Variants in CDH4 observed in about 807,000 individuals in gnomAD.
CDH4 encodes the protein cadherin 4.
CDH4 carries 33 observed loss-of-function variants against 86.0 expected under a neutral mutation model. The ratio of observed to expected loss-of-function variants is 0.38; its 90% CI spans 0.29 to 0.51. CDH4 has a LOEUF of 0.51. Among genes scored for constraint, CDH4 ranks in the 20% least tolerant of loss-of-function variants. The pLI is 0.86. For missense variants in CDH4, 1,114 were observed against 1,307.4 expected (o/e 0.85, Z 2.28); for synonymous variants, 555 against 549.4 (o/e 1.01, Z -0.14).
intron 7 of CDH4, among the ~76,000 whole-genome samples, chr20:61,882,952 C>G (rs1044749533): frequency 3.9e-5 from 6 of 152,176 alleles, no homozygotes; most frequent in African/African-American, 1.4e-4. Flanking sequence ...CATGCCCCAG[C>G]CTCTGCGCAT....
chr20:61,853,510 A>G (rs572079974), intron 6 of CDH4, among the ~76,000 whole-genome samples: 2 of 152,010 alleles, frequency 1.3e-5, no homozygotes, highest in East Asian at 3.9e-4. Flanking sequence ...TCACTCTGGC[A>G]CCGGTGGTGG....
chr20:61,302,509 C>T (rs1041734928), intron 2 of CDH4, among the ~76,000 whole-genome samples: 10 of 150,732 alleles, frequency 6.6e-5, no homozygotes, highest in Non-Finnish European at 1.2e-4. Context: ...TTGTCACAAA[C>T]GTCATTCTTC....
intron 12 of CDH4, among the ~76,000 whole-genome samples, chr20:61,929,206 T>C (rs1392817970): frequency 6.6e-6 from 1 of 151,534 alleles, no homozygotes; most frequent in East Asian, 2.0e-4. Context: ...AGTGGCACAA[T>C]CTCAGCTCTG....
At position 61,617,842 on chromosome 20, in the gene CDH4, T is replaced by C. The variant is rs180845658; in HGVS notation, c.170-125721T>C. Among the ~76,000 whole-genome samples the C allele has an allele frequency of 5.9e-5, 9 of 152,276 alleles. No homozygotes were observed. The East Asian group carries it at 1.7e-3, about 29-fold the overall frequency. ...CCCAAATTTCATCTTGAATTGTAGC[T>C]CCCATAATTCCCACATGTTGAGGAG... On this transcript the variant is annotated intron_variant, in intron 2 of 15. Coordinates refer to ENST00000614565, the MANE Select transcript of CDH4 (RefSeq NM_001794.5).
chr20:61,646,151 A>C (rs1048650272), intron 2 of CDH4, among the ~76,000 whole-genome samples: 23 of 152,100 alleles, frequency 1.5e-4, no homozygotes, highest in Non-Finnish European at 2.5e-4. Flanking sequence ...AGGACCGAGC[A>C]TGCAGTGTGA....
intron 5 of CDH4, among the ~76,000 whole-genome samples, chr20:61,847,828 A>G (rs1982528006): frequency 6.6e-6 from 1 of 152,092 alleles, no homozygotes. Flanking sequence ...TCTTTAAACA[A>G]CAGGCCCTGG....
At chr20:61,781,340 A>C (rs1298233925) in intron 4 of CDH4, among the ~76,000 whole-genome samples, 1 of 152,252 alleles carries the variant, frequency 6.6e-6, no homozygotes, top group South Asian at 2.1e-4. Flanking sequence ...TGGAACTAGC[A>C]GCAAGGCCTT....
chr20:61,545,778 T>G (rs2086073999), intron 2 of CDH4, among the ~76,000 whole-genome samples: 1 of 150,128 alleles, frequency 6.7e-6, no homozygotes, highest in Non-Finnish European at 1.5e-5. Context: ...GTGGGGTGTG[T>G]GTGCATGTGT....
intron 6 of CDH4, among the ~76,000 whole-genome samples, chr20:61,858,539 G>A (rs1030290849): frequency 2.0e-5 from 3 of 151,752 alleles, no homozygotes. Context: ...GTCTGCGTCT[G>A]TGTGTGTGTC....
chr20:61,609,121 G>A (rs570179286), intron 2 of CDH4, among the ~76,000 whole-genome samples: 7 of 152,344 alleles, frequency 4.6e-5, no homozygotes, highest in East Asian at 3.9e-4. Flanking sequence ...TAGGGTATAC[G>A]AATGTGGCAT....
At chr20:61,726,713 T>C (rs2088116301) in intron 2 of CDH4, among the ~76,000 whole-genome samples, 1 of 150,696 alleles carries the variant, frequency 6.6e-6, no homozygotes, top group Non-Finnish European at 1.5e-5. Flanking sequence ...GCTATCATCA[T>C]CACCATCGCT....
At chr20:61,722,630 C>T (rs919969732) in intron 2 of CDH4, among the ~76,000 whole-genome samples, 2 of 140,100 alleles carry the variant, frequency 1.4e-5, no homozygotes, top group African/African-American at 3.2e-5. Flanking sequence ...GCAGGGCGCC[C>T]CCCCACCCCC....
At chr20:61,842,989 C>T (rs922759874) in intron 4 of CDH4, among the ~76,000 whole-genome samples, 3 of 152,084 alleles carry the variant, frequency 2.0e-5, no homozygotes, top group Non-Finnish European at 2.9e-5. Context: ...TCCTGTTGAC[C>T]CAATGGTTAT....
intron 7 of CDH4, among the ~76,000 whole-genome samples, chr20:61,884,626 T>C (rs1984452644): frequency 6.6e-6 from 1 of 151,718 alleles, no homozygotes; most frequent in Admixed American, 6.5e-5. Flanking sequence ...CGAGGGAACC[T>C]CAGAAAGGAG....
chr20:61,701,454 T>G (rs982244117), intron 2 of CDH4, among the ~76,000 whole-genome samples: 6 of 152,224 alleles, frequency 3.9e-5, no homozygotes, highest in African/African-American at 1.2e-4. Context: ...TCTGGGCTTG[T>G]CCACATAGGT....
In CDH4 at chr20:61,894,968, A is replaced by G; in HGVS notation, c.1109A>G (p.Tyr370Cys). ...ACAGATATGGAAGGAAATCTCAACT[A>G]TGGCCTCTCAAACACAGCCACAGCC... is the stretch of plus-strand genomic sequence containing the variant. ...QATDMEGNLN[Y>C]GLSNTATAII... Residue 370 changes from tyrosine to cysteine, a missense_variant, in exon 8 of 16, where the codon TAT becomes TGT. Transcript: ENST00000614565. 1.9e-6 allele frequency: 3 copies of G among 1,613,902 alleles called. No individual in the cohort carries two copies. The highest frequency in any genetic ancestry group is 2.2e-5 in the East Asian group (1 of 44,886).
At chr20:61,707,661 G>A (rs773174456) in intron 2 of CDH4, among the ~76,000 whole-genome samples, 5 of 152,198 alleles carry the variant, frequency 3.3e-5, no homozygotes, top group African/African-American at 4.8e-5. Flanking sequence ...CACGTTTGTG[G>A]AAGATAATGA....
intron 2 of CDH4, among the ~76,000 whole-genome samples, chr20:61,397,718 G>A (rs532950214): frequency 2.5e-4 from 38 of 152,250 alleles, no homozygotes; most frequent in African/African-American, 9.1e-4. Context: ...TCCTGAGCAG[G>A]GTCCCCTGTC....
At chr20:61,815,834 C>G (rs1366048621) in intron 4 of CDH4, among the ~76,000 whole-genome samples, 1 of 152,234 alleles carries the variant, frequency 6.6e-6, no homozygotes, top group African/African-American at 2.4e-5. Context: ...GCAAAGCTCC[C>G]ACTTGCCCAG....
Sources: allele counts gnomAD v4.1 joint callset (sites outside exome capture counted in the v4.1 genomes callset), GRCh38; gene constraint gnomAD v4.1.1; transcripts MANE v1.5; gene names NCBI Gene and HGNC (gene_info 2026-07-23, HGNC 2026-07-21).